The following LGALS3BP variants were observed in gnomAD, a reference collection of about 807,000 sequenced individuals.
LGALS3BP encodes galectin-3-binding protein.
In LGALS3BP, 25 loss-of-function variants were observed where a neutral mutation model predicts 22.9. The observed-to-expected ratio is 1.09, with a 90% confidence interval of 0.80 to 1.53. The LOEUF is 1.53. LGALS3BP is among the 40% of genes most tolerant of loss of function. The pLI, the probability that LGALS3BP is intolerant of heterozygous loss-of-function variation, is 0.00. For missense variants in LGALS3BP, 718 were observed against 752.0 expected (o/e 0.95, Z 0.53); for synonymous variants, 335 against 331.1 (o/e 1.01, Z -0.13).
chr17:78,976,963 G>T lies in LGALS3BP; in HGVS notation c.52+177C>A. The stretch of plus-strand genomic sequence containing the variant: ...CTCACCTGAACCCAGGTGAGCCCCC[G>T]GGAACCTCCAAGTCATCATCACTGG... On this transcript the variant is annotated intron_variant, in intron 2 of 5. Coordinates refer to ENST00000262776, the MANE Select transcript of LGALS3BP (RefSeq NM_005567.4). This position sits in a 1 kb window ranked among gnomAD's most constrained non-coding sequence, Gnocchi z 4.6. The T allele has an allele frequency of 1.5e-6, 1 of 656,410 alleles. No individual in the cohort carries two copies. Among genetic ancestry groups the T allele is most frequent in the Non-Finnish European group, 2.7e-6 (1 of 368,482 alleles). 40.7% of individuals were successfully genotyped at this position (656,410 alleles called of 1,614,324 possible). A position where few individuals can be genotyped will look rare whatever the true frequency, so the allele number is the denominator to read the frequency against.
At chr17:78,979,106 C>T (rs961258801) in intron 1 of LGALS3BP, among the ~76,000 whole-genome samples, 7 of 151,764 alleles carry the variant, frequency 4.6e-5, no homozygotes, top group East Asian at 3.9e-4. Flanking sequence ...TGGCAGGTGG[C>T]GTCGCTGCCC....
At chr17:78,974,633 C>A in intron 4 of LGALS3BP, 55 bp downstream of exon 4, 1 of 1,578,816 alleles carries the variant, frequency 6.3e-7, no homozygotes, top group East Asian at 2.3e-5. Flanking sequence ...GGGGCAGGGG[C>A]CACGGGACCC....
Position 78,975,791 on chromosome 17 carries a change from CAAAAAAAAAAAA to C in LGALS3BP, c.244+162_244+173del, listed in dbSNP as rs60470107. Reference sequence around the variant, plus strand: ...TGGGCAACAGAGCGAGACTCCATCTCAAAAAAAAAAAAAAAAAAAAAAAAAAAAAAAAGTGTT... The same window carrying C: ...TGGGCAACAGAGCGAGACTCCATCTCAAAAAAAAAAAAAAAAAAAAGTGTT... On this transcript the variant is annotated intron_variant, in intron 3 of 5. Transcript: ENST00000262776. Among the ~76,000 whole-genome samples the C allele has an allele frequency of 5.4e-4, 28 of 52,250 alleles. 1 individual carries two copies. The highest frequency in any genetic ancestry group is 2.3e-3 in the South Asian group (2 of 888). 34.3% of individuals were successfully genotyped at this position (52,250 alleles called of 152,430 possible). A position where few individuals can be genotyped will look rare whatever the true frequency, so the allele number is the denominator to read the frequency against.
chr17:78,972,630 C>T lies in LGALS3BP; in HGVS notation c.704G>A (p.Gly235Glu). 6.4e-7 allele frequency: 1 copy of T among 1,552,124 alleles called. No individual in the cohort carries two copies. Among genetic ancestry groups the T allele is most frequent in the Non-Finnish European group, 8.7e-7 (1 of 1,148,546 alleles). The change falls in exon 6 of 6, where the codon GGG becomes GAG. Residue 235 changes from glycine to glutamate, a missense_variant. Coordinates refer to ENST00000262776, the MANE Select transcript of LGALS3BP (RefSeq NM_005567.4). This position sits in a 1 kb window ranked among gnomAD's most constrained non-coding sequence, Gnocchi z 5.1. ...KCFHKLASAY[G>E]ARQLQGYCAS... Reference sequence around the variant, plus strand: ...GCAGTAGCCCTGCAGCTGCCTGGCCCCATAGGCAGAGGCCAGCTTGTGGAA... The same window carrying T: ...GCAGTAGCCCTGCAGCTGCCTGGCCTCATAGGCAGAGGCCAGCTTGTGGAA...
chr17:78,976,693 G>T lies in LGALS3BP; in HGVS notation c.52+447C>A. On this transcript the variant is annotated intron_variant, in intron 2 of 5. Coordinates refer to ENST00000262776, the MANE Select transcript of LGALS3BP (RefSeq NM_005567.4). The surrounding 1 kb of genome is among the most constrained non-coding windows in gnomAD (Gnocchi z 4.6). ...CAGGAGCTGACAGAGCCGGGCAGGAGCTGGGTGCCTGAATCCAGTCGGGGG... is the reference window on the plus strand; with the variant it reads ...CAGGAGCTGACAGAGCCGGGCAGGATCTGGGTGCCTGAATCCAGTCGGGGG... The T allele has an allele frequency of 5.0e-6, 1 of 199,648 alleles. No individual in the cohort carries two copies. 12.4% of individuals were successfully genotyped at this position (199,648 alleles called of 1,614,324 possible). A position where few individuals can be genotyped will look rare whatever the true frequency, so the allele number is the denominator to read the frequency against.
rs796805118 is a variant in LGALS3BP, at chr17:78,978,304, T to C, written c.-23-1090A>G. On this transcript the variant is annotated intron_variant, in intron 1 of 5. Transcript: ENST00000262776. ...ATGAACAAGCGCCCTGGGAGCTGGGTGCACTGGCTGGTGAGCAGCTTTGCT... is the reference window on the plus strand; with the variant it reads ...ATGAACAAGCGCCCTGGGAGCTGGGCGCACTGGCTGGTGAGCAGCTTTGCT... Among the ~76,000 whole-genome samples the C allele has an allele frequency of 1.3e-3, 192 of 152,328 alleles. 1 individual carries two copies. The highest frequency in any genetic ancestry group is 4.6e-3 in the African/African-American group (190 of 41,584).
Position 78,973,320 on chromosome 17 carries a change from T to G in LGALS3BP, c.377-98A>C, listed in dbSNP as rs752503822. 3.9e-5 allele frequency: 52 copies of G among 1,340,812 alleles called. No individual in the cohort carries two copies. In the South Asian group the frequency reaches 7.6e-4, roughly 20 times the overall value. The allele number at this position is 1,340,812 out of a possible 1,614,324, so 83.1% of individuals were successfully genotyped here. ...CATCTGAAAGTGAGGGATTTGTGGC[T>G]GCCTCATTCACTCTGGAAGGCTCCT... On this transcript the variant is annotated intron_variant, in intron 4 of 5. Coordinates refer to ENST00000262776, the MANE Select transcript of LGALS3BP (RefSeq NM_005567.4). This position sits in a 1 kb window ranked among gnomAD's most constrained non-coding sequence, Gnocchi z 5.8.
Position 78,972,818 on chromosome 17 carries a change from G to T in LGALS3BP, c.630-114C>A. On this transcript the variant is annotated intron_variant, in intron 5 of 5. Coordinates refer to ENST00000262776, the MANE Select transcript of LGALS3BP (RefSeq NM_005567.4). The surrounding 1 kb of genome is among the most constrained non-coding windows in gnomAD (Gnocchi z 5.1). ...ACACAGTGTGGGAGTGAGCATGCGT[G>T]TGTGTGCAACTGCGTGAGTGCATGT... is the stretch of plus-strand genomic sequence containing the variant. The T allele has an allele frequency of 1.4e-6, 2 of 1,434,824 alleles. No homozygotes were observed. The highest frequency in any genetic ancestry group is 1.9e-6 in the Non-Finnish European group (2 of 1,067,966). The allele number at this position is 1,434,824 out of a possible 1,614,324, so 88.9% of individuals were successfully genotyped here.
intron 1 of LGALS3BP, among the ~76,000 whole-genome samples, chr17:78,978,227 G>A (rs367980975): frequency 6.6e-5 from 10 of 152,324 alleles, no homozygotes; most frequent in South Asian, 4.1e-4. Context: ...AGAGCTTGTC[G>A]GAAATGCAGT....
chr17:78,977,260 C>A, intron 1 of LGALS3BP, 46 bp from the exon 2 acceptor site: 1 of 1,518,082 alleles, frequency 6.6e-7, no homozygotes, highest in South Asian at 1.2e-5. Flanking sequence ...AGCCAGATGG[C>A]CCGAGGCCCC....
In LGALS3BP at chr17:78,971,691, A is replaced by T. The variant is rs145820349; in HGVS notation, c.1643T>A (p.Leu548Gln). ...GGTGCTCTTCGAGCTGTTGGTGTCCAGGGCACTGGGAATCGCAGCCTTCCA... is the reference window on the plus strand; with the variant it reads ...GGTGCTCTTCGAGCTGTTGGTGTCCTGGGCACTGGGAATCGCAGCCTTCCA... ...EGWKAAIPSA[L>Q]DTNSSKSTSS... Residue 548 changes from leucine (L) to glutamine (Q), a missense_variant, in exon 6 of 6, where the codon CTG becomes CAG. Physicochemically the swap from Leu to Gln is moderately radical, Grantham distance 113 (BLOSUM62 -2). Transcript: ENST00000262776. This position sits in a 1 kb window ranked among gnomAD's most constrained non-coding sequence, Gnocchi z 5.6. 408 of 1,613,912 alleles carry T rather than the reference A, an allele frequency of 2.5e-4. 2 individuals carry two copies. In the African/African-American group the frequency reaches 4.6e-3, roughly 18 times the overall value.
In LGALS3BP at chr17:78,976,106, C is replaced by T. The variant is rs1343863457; in HGVS notation, c.103G>A (p.Gly35Ser). The change falls in exon 3 of 6, where the codon GGC (glycine) becomes AGC (serine). Residue 35 changes from glycine (G) to serine (S), a missense_variant. Coordinates refer to ENST00000262776, the MANE Select transcript of LGALS3BP (RefSeq NM_005567.4). The surrounding 1 kb of genome is among the most constrained non-coding windows in gnomAD (Gnocchi z 4.6). The stretch of plus-strand genomic sequence containing the variant: ...CCTCTGTAGAAGATCTCCACGCGGC[C>T]CTGGTTGGTGGCGCCCCCATCGGCC... ...RLADGGATNQ[G>S]RVEIFYRGQW... 6.2e-7 allele frequency: 1 copy of T among 1,603,294 alleles called. No individual in the cohort carries two copies. The highest frequency in any genetic ancestry group is 1.1e-5 in the South Asian group (1 of 89,266).
chr17:78,971,937 T>C lies in LGALS3BP; in HGVS notation c.1397A>G (p.His466Arg). 1 of 1,613,564 alleles carries C rather than the reference T, an allele frequency of 6.2e-7. No individual in the cohort carries two copies. Among genetic ancestry groups the C allele is most frequent in the Non-Finnish European group, 8.5e-7 (1 of 1,179,906 alleles). Residue 466 changes from histidine (H) to arginine (R), a missense_variant, in exon 6 of 6, where the codon CAC becomes CGC. Coordinates refer to ENST00000262776, the MANE Select transcript of LGALS3BP (RefSeq NM_005567.4). The surrounding 1 kb of genome is among the most constrained non-coding windows in gnomAD (Gnocchi z 5.6). ...YPYQSFQTPQ[H>R]PSFLFQDKRV... ...CTTGTCCTGGAAGAGGAAGCTGGGG[T>C]GTTGTGGAGTCTGGAAGGACTGGTA...
In LGALS3BP at chr17:78,973,252, C is replaced by A. The variant is rs1276210488; in HGVS notation, c.377-30G>T. 2 of 1,474,886 alleles carry A rather than the reference C, an allele frequency of 1.4e-6. No homozygotes were observed. Among genetic ancestry groups the A allele is most frequent in the South Asian group, 1.3e-5 (1 of 76,150 alleles). The allele number at this position is 1,474,886 out of a possible 1,614,324, so 91.4% of individuals were successfully genotyped here. On this transcript the variant is annotated intron_variant, in intron 4 of 5. Transcript: ENST00000262776. The surrounding 1 kb of genome is among the most constrained non-coding windows in gnomAD (Gnocchi z 5.8). The stretch of plus-strand genomic sequence containing the variant: ...GAAGGGGCGGGAGGGAAGTGGGCTG[C>A]GTTAGGAGCCGGGGCACTGCCACTC...
rs1238353415 is a variant in LGALS3BP at position 78,973,127 on chromosome 17, TGATG to T, written c.468_471del (p.Ile157AlafsTer2). 1 of 1,613,178 alleles carries T rather than the reference TGATG, an allele frequency of 6.2e-7. No individual in the cohort carries two copies. Among genetic ancestry groups the T allele is most frequent in the Non-Finnish European group, 8.5e-7 (1 of 1,179,846 alleles). On this transcript the variant is annotated frameshift_variant, in exon 5 of 6. Transcript: ENST00000262776. LOFTEE classifies it high-confidence loss of function. This position sits in a 1 kb window ranked among gnomAD's most constrained non-coding sequence, Gnocchi z 5.8. Reference sequence around the variant, plus strand: ...GCGTCCTCGCCCTGCACATTCACGCTGATGGACAGGTCGCAGCCCCGCTGGCTGT... The same window carrying T: ...GCGTCCTCGCCCTGCACATTCACGCTGACAGGTCGCAGCCCCGCTGGCTGT...
At chr17:78,977,682 G>A (rs2070733006) in intron 1 of LGALS3BP, among the ~76,000 whole-genome samples, 1 of 152,194 alleles carries the variant, frequency 6.6e-6, no homozygotes, top group South Asian at 2.1e-4. Flanking sequence ...GTCCCAGAGG[G>A]TCTCAGCAGG....
rs1313715250 is a variant in LGALS3BP at position 78,972,602 on chromosome 17, T to C, written c.732A>G (p.Ala244=). The C allele has an allele frequency of 6.3e-7, 1 of 1,589,308 alleles. No homozygotes were observed. Among genetic ancestry groups the C allele is most frequent in the East Asian group, 2.2e-5 (1 of 44,488 alleles). ...GGGGGAGGAGGATGGCAAAGAGGCT[T>C]GCGCAGTAGCCCTGCAGCTGCCTGG... ...YGARQLQGYC[A]SLFAILLPQD... The change falls in exon 6 of 6, where the codon GCA becomes GCG. Residue 244 remains alanine, a synonymous_variant. Coordinates refer to ENST00000262776, the MANE Select transcript of LGALS3BP (RefSeq NM_005567.4). The surrounding 1 kb of genome is among the most constrained non-coding windows in gnomAD (Gnocchi z 5.1).
Position 78,976,863 on chromosome 17 carries a change from G to C in LGALS3BP, c.52+277C>G, listed in dbSNP as rs151086265. ...TGACCTCACAACGGCCCCTGTGACT[G>C]CTGGTTTGATCAGCCCCTCTGGTTC... On this transcript the variant is annotated intron_variant, in intron 2 of 5. Transcript: ENST00000262776. This position sits in a 1 kb window ranked among gnomAD's most constrained non-coding sequence, Gnocchi z 4.6. The C allele has an allele frequency of 2.0e-6, 1 of 490,912 alleles. No homozygotes were observed. Among genetic ancestry groups the C allele is most frequent in the African/African-American group, 2.0e-5 (1 of 49,910 alleles). 30.4% of individuals were successfully genotyped at this position (490,912 alleles called of 1,614,324 possible). A position where few individuals can be genotyped will look rare whatever the true frequency, so the allele number is the denominator to read the frequency against.
chr17:78,972,870 A>C lies in LGALS3BP; in HGVS notation c.629+100T>G. Reference sequence around the variant, plus strand: ...TGACTGCGTGTGTACATGTGCATGCATGAGTATGTGCAGGTGTGTGTGTGG... The same window carrying C: ...TGACTGCGTGTGTACATGTGCATGCCTGAGTATGTGCAGGTGTGTGTGTGG... On this transcript the variant is annotated intron_variant, in intron 5 of 5. Transcript: ENST00000262776. The surrounding 1 kb of genome is among the most constrained non-coding windows in gnomAD (Gnocchi z 5.1). 6.8e-7 allele frequency: 1 copy of C among 1,478,794 alleles called. No individual in the cohort carries two copies. The highest frequency in any genetic ancestry group is 9.1e-7 in the Non-Finnish European group (1 of 1,097,894). The allele number at this position is 1,478,794 out of a possible 1,614,324, so 91.6% of individuals were successfully genotyped here. A position where few individuals can be genotyped will look rare whatever the true frequency, so the allele number is the denominator to read the frequency against.
Sources: allele counts gnomAD v4.1 joint callset (sites outside exome capture counted in the v4.1 genomes callset), GRCh38; gene constraint gnomAD v4.1.1; non-coding constraint Gnocchi (gnomAD v3.1); transcripts MANE v1.5; gene names NCBI Gene and HGNC (gene_info 2026-07-23, HGNC 2026-07-21).